TACR1: variants seen among roughly 807,000 people sequenced by gnomAD.
TACR1 encodes the protein tachykinin receptor 1, also known as substance-P receptor.
Under a neutral mutation model 35.8 loss-of-function variants are expected in TACR1, and 25 were observed. The ratio of observed to expected loss-of-function variants is 0.70; its 90% CI spans 0.51 to 0.98. The LOEUF (loss-of-function observed/expected upper bound fraction) is 0.98. Among genes scored for constraint, TACR1 ranks in the 50% least tolerant of loss-of-function variants. The pLI is 0.00. For synonymous variants in TACR1, 195 were observed against 206.7 expected (o/e 0.94, Z 0.48); for missense variants, 478 against 522.9 (o/e 0.91, Z 0.84).
intron 2 of TACR1, among the ~76,000 whole-genome samples, chr2:75,097,183 G>C (rs1673439869): frequency 6.6e-6 from 1 of 152,172 alleles, no homozygotes; most frequent in African/African-American, 2.4e-5. Context: ...CAATTAAACA[G>C]TCAATTAATT....
At chr2:75,112,276 A>C (rs1673766985) in intron 2 of TACR1, among the ~76,000 whole-genome samples, 1 of 151,892 alleles carries the variant, frequency 6.6e-6, no homozygotes. Flanking sequence ...ATTTATTATC[A>C]TTCTCTTAAA....
At chr2:75,057,572 GAC>G in intron 2 of TACR1, among the ~76,000 whole-genome samples, 1 of 152,342 alleles carries the variant, frequency 6.6e-6, no homozygotes, top group East Asian at 1.9e-4. Context: ...GAATAAGTCA[GAC>G]ACAAAAGGAA....
intron 2 of TACR1, among the ~76,000 whole-genome samples, chr2:75,083,079 A>G (rs1455191141): frequency 2.0e-5 from 3 of 152,174 alleles, no homozygotes; most frequent in African/African-American, 7.2e-5. Flanking sequence ...TAAGTCTTTA[A>G]TCCATCGTGA....
At chr2:75,082,072 C>G (rs1673098310) in intron 2 of TACR1, among the ~76,000 whole-genome samples, 1 of 152,054 alleles carries the variant, frequency 6.6e-6, no homozygotes, top group Non-Finnish European at 1.5e-5. Flanking sequence ...CCTCCCCACT[C>G]CCCGCACCCC....
intron 1 of TACR1, among the ~76,000 whole-genome samples, chr2:75,186,269 G>A (rs886939276): frequency 2.0e-5 from 3 of 151,426 alleles, no homozygotes; most frequent in Non-Finnish European, 4.4e-5. Context: ...CTACTCGGGA[G>A]GCTGAGGCAG....
At chr2:75,170,025 T>C (rs915524359) in intron 1 of TACR1, among the ~76,000 whole-genome samples, 2 of 152,240 alleles carry the variant, frequency 1.3e-5, no homozygotes, top group Non-Finnish European at 2.9e-5. Context: ...CAGACCCTTT[T>C]GATTTTCTTA....
chr2:75,143,088 G>A (rs999801135), intron 1 of TACR1, among the ~76,000 whole-genome samples: 1 of 152,074 alleles, frequency 6.6e-6, no homozygotes, highest in African/African-American at 2.4e-5. Context: ...GCTAACAAGG[G>A]AGGGAGGAAG....
intron 2 of TACR1, among the ~76,000 whole-genome samples, chr2:75,066,027 AC>A (rs1300548608): frequency 6.6e-6 from 1 of 152,212 alleles, no homozygotes; most frequent in African/African-American, 2.4e-5. Context: ...TAATACAGCC[AC>A]TACTAACAAC....
intron 1 of TACR1, chr2:75,189,172 A>G (rs1675782859): frequency 6.6e-6 from 1 of 152,232 alleles, no homozygotes; most frequent in South Asian, 2.1e-4. Context: ...ACTCGATTTC[A>G]GTGGAAAAAG....
At chr2:75,086,396 T>C (rs1673189577) in intron 2 of TACR1, among the ~76,000 whole-genome samples, 1 of 152,258 alleles carries the variant, frequency 6.6e-6, no homozygotes, top group African/African-American at 2.4e-5. Flanking sequence ...GACAACTGTC[T>C]TGTAAGATTT....
chr2:75,163,337 T>G (rs1326220362), intron 1 of TACR1, among the ~76,000 whole-genome samples: 2 of 152,238 alleles, frequency 1.3e-5, no homozygotes, highest in African/African-American at 4.8e-5. Flanking sequence ...TCAAGTTCTT[T>G]AGGACCTAAG....
chr2:75,156,484 TCCCAG>T (rs1440613416), intron 1 of TACR1, among the ~76,000 whole-genome samples: 4 of 146,980 alleles, frequency 2.7e-5, no homozygotes, highest in Non-Finnish European at 6.0e-5. Flanking sequence ...GCCCCTGTGG[TCCCAG>T]CTACTCAGGA....
chr2:75,194,798 T>C (rs1313761508), intron 1 of TACR1, among the ~76,000 whole-genome samples: 2 of 152,212 alleles, frequency 1.3e-5, no homozygotes, highest in African/African-American at 4.8e-5. Context: ...GAAATTATGC[T>C]TGCCCCTACC....
intron 2 of TACR1, among the ~76,000 whole-genome samples, chr2:75,057,292 C>T (rs1289257099): frequency 6.6e-6 from 1 of 152,180 alleles, no homozygotes; most frequent in Non-Finnish European, 1.5e-5. Flanking sequence ...GTCCCCCGCC[C>T]CTGCCCACCA....
At chr2:75,060,870 G>C (rs752322355) in intron 2 of TACR1, among the ~76,000 whole-genome samples, 4 of 152,092 alleles carry the variant, frequency 2.6e-5, no homozygotes, top group Non-Finnish European at 5.9e-5. Flanking sequence ...CTGTGGCTTG[G>C]GGGAAGAGCT....
intron 1 of TACR1, among the ~76,000 whole-genome samples, chr2:75,155,096 AT>A (rs1043987278): frequency 1.4e-4 from 22 of 152,292 alleles, no homozygotes; most frequent in African/African-American, 5.1e-4. Context: ...TTTGACCTCC[AT>A]TTAAAAAACA....
At chr2:75,184,128 G>A (rs189438822) in intron 1 of TACR1, among the ~76,000 whole-genome samples, 1 of 152,288 alleles carries the variant, frequency 6.6e-6, no homozygotes, top group East Asian at 1.9e-4. Flanking sequence ...ATCTAATAGT[G>A]TGCTAAAAGG....
At chr2:75,154,394 AGCCAAGAGCGCGCAC>A (rs1674753781) in intron 1 of TACR1, 1 of 121,922 alleles carries the variant, frequency 8.2e-6, no homozygotes, top group Non-Finnish European at 1.6e-5. Flanking sequence ...GGAGATAATC[AGCCAAGAGCGCGCAC>A]GCACACACAC....
At chr2:75,119,747 A>T (rs1306156886) in intron 2 of TACR1, among the ~76,000 whole-genome samples, 2 of 152,178 alleles carry the variant, frequency 1.3e-5, no homozygotes, top group East Asian at 3.8e-4. Context: ...CATGTGTTTC[A>T]CCTGCACATA....
Sources: allele counts gnomAD v4.1 joint callset (sites outside exome capture counted in the v4.1 genomes callset), GRCh38; gene constraint gnomAD v4.1.1; transcripts MANE v1.5; gene names NCBI Gene and HGNC (gene_info 2026-07-23, HGNC 2026-07-21).